ACTR1A: variants seen among roughly 807,000 people sequenced by gnomAD.
ACTR1A encodes alpha-centractin.
Under a neutral mutation model 50.7 loss-of-function variants are expected in ACTR1A, and 10 were observed. That is an observed-to-expected ratio of 0.20 (90% confidence interval 0.12 to 0.33). The LOEUF is 0.33. ACTR1A is among the 10% of genes least tolerant of loss of function. The pLI, the probability that ACTR1A is intolerant of heterozygous loss-of-function variation, is 1.00. For missense variants in ACTR1A, 253 were observed against 491.7 expected (o/e 0.51, Z 4.59); for synonymous variants, 177 against 184.2 (o/e 0.96, Z 0.32).
Position 102,500,272 on chromosome 10 carries a change from A to G in ACTR1A, c.48+2328T>C, listed in dbSNP as rs192497089. Among the ~76,000 whole-genome samples, 847 of 152,242 alleles carry G rather than the reference A, an allele frequency of 5.6e-3. 9 individuals carry two copies. Among genetic ancestry groups the G allele is most frequent in the Admixed American group, 7.6e-3 (116 of 15,286 alleles). On this transcript the variant is annotated intron_variant, in intron 1 of 10. Transcript: ENST00000369905. ...AATATGGTGAAACCCCATCTCTACT[A>G]AAAATACAAAAATTAGGCCGGGCGC... is the stretch of plus-strand genomic sequence containing the variant.
rs1253960101 is a variant in ACTR1A at position 102,481,152 on chromosome 10, T to C, written c.1008A>G (p.Arg336=). Residue 336 remains arginine (R), a synonymous_variant, in exon 10 of 11, where the codon AGA becomes AGG. Transcript: ENST00000369905. ...CTCACCCAATCCACGTGGAATACAG[T>C]CTCTCCTGAGGTGCAGATATCTGCA... ...VKIRISAPQE[R]LYSTWIGGSI... 5 of 1,606,954 alleles carry C rather than the reference T, an allele frequency of 3.1e-6. No individual in the cohort carries two copies. Among genetic ancestry groups the C allele is most frequent in the Non-Finnish European group, 4.3e-6 (5 of 1,176,276 alleles).
At chr10:102,501,434 T>A (rs2062251009) in intron 1 of ACTR1A, among the ~76,000 whole-genome samples, 1 of 152,234 alleles carries the variant, frequency 6.6e-6, no homozygotes, top group East Asian at 1.9e-4. Context: ...CAGAGGGAAC[T>A]GGTAGTTTTG....
chr10:102,500,204 C>A (rs2135591134), intron 1 of ACTR1A, among the ~76,000 whole-genome samples: 1 of 151,894 alleles, frequency 6.6e-6, no homozygotes, highest in South Asian at 2.1e-4. Flanking sequence ...GAGGCCAAGG[C>A]GGGTGGATCA....
At chr10:102,501,124 CCTTT>C (rs2062249380) in intron 1 of ACTR1A, among the ~76,000 whole-genome samples, 1 of 151,578 alleles carries the variant, frequency 6.6e-6, no homozygotes, top group African/African-American at 2.4e-5. Context: ...CAATCCTGCC[CCTTT>C]CTAAGGGGGA....
chr10:102,497,906 A>T (rs2062230022), intron 1 of ACTR1A, among the ~76,000 whole-genome samples: 1 of 148,362 alleles, frequency 6.7e-6, no homozygotes, highest in South Asian at 2.2e-4. Flanking sequence ...CAGCCTGGGG[A>T]ACACAGGGAG....
intron 1 of ACTR1A, among the ~76,000 whole-genome samples, chr10:102,490,980 C>T (rs2062189199): frequency 6.6e-6 from 1 of 151,548 alleles, no homozygotes; most frequent in Non-Finnish European, 1.5e-5. Flanking sequence ...GTGACAGACT[C>T]TGTCTCACAG....
At chr10:102,495,296 G>A (rs1351872275) in intron 1 of ACTR1A, among the ~76,000 whole-genome samples, 1 of 151,966 alleles carries the variant, frequency 6.6e-6, no homozygotes, top group Non-Finnish European at 1.5e-5. Context: ...AAGGCCAGGC[G>A]CAGTAGCTCA....
intron 2 of ACTR1A, 27 bp from the exon 3 acceptor site, chr10:102,489,165 C>T: frequency 6.6e-7 from 1 of 1,511,414 alleles, no homozygotes; most frequent in Non-Finnish European, 8.9e-7. Flanking sequence ...GGAGGACCAT[C>T]ATTTTTCATT....
intron 4 of ACTR1A, among the ~76,000 whole-genome samples, chr10:102,487,780 C>T (rs551026723): frequency 2.6e-5 from 4 of 151,892 alleles, no homozygotes; most frequent in South Asian, 2.1e-4. Flanking sequence ...TACAGGCGCC[C>T]GCCACCACGC....
intron 9 of ACTR1A, among the ~76,000 whole-genome samples, chr10:102,481,584 C>G (rs911919841): frequency 6.6e-6 from 1 of 152,154 alleles, no homozygotes; most frequent in Non-Finnish European, 1.5e-5. Flanking sequence ...ACGCAGGGGG[C>G]CCTCTACCTA....
At chr10:102,497,852 G>A (rs1483027944) in intron 1 of ACTR1A, among the ~76,000 whole-genome samples, 1 of 151,202 alleles carries the variant, frequency 6.6e-6, no homozygotes, top group Admixed American at 6.6e-5. Flanking sequence ...CAGCACTTTG[G>A]GAAGCTGAGG....
At chr10:102,487,450 G>C (rs1200920360) in intron 4 of ACTR1A, among the ~76,000 whole-genome samples, 1 of 151,886 alleles carries the variant, frequency 6.6e-6, no homozygotes, top group South Asian at 2.1e-4. Context: ...CATGGTGGGG[G>C]GTGGGGCTGA....
chr10:102,484,012 C>T (rs984892064), intron 6 of ACTR1A, 148 bp downstream of exon 6: 12 of 670,632 alleles, frequency 1.8e-5, no homozygotes, highest in African/African-American at 7.2e-5. Context: ...GTCAGTGTGA[C>T]GTAGGGGAGA....
rs575462438 is a variant in ACTR1A, at chr10:102,483,186, G to C, written c.658-83C>G. 3.8e-6 allele frequency: 4 copies of C among 1,041,660 alleles called. No homozygotes were observed. In the African/African-American group the frequency reaches 4.7e-5, roughly 12 times the overall value. 64.5% of individuals were successfully genotyped at this position (1,041,660 alleles called of 1,614,324 possible). ...AGGCCCAGGGGAGGAATGTGCTGCT[G>C]CACAAACCTGTCTAAACGTTGTGAT... On this transcript the variant is annotated intron_variant, in intron 6 of 10. Transcript: ENST00000369905.
chr10:102,501,288 T>C (rs900378270), intron 1 of ACTR1A, among the ~76,000 whole-genome samples: 2 of 152,238 alleles, frequency 1.3e-5, no homozygotes, highest in African/African-American at 4.8e-5. Context: ...AATCTGTTAT[T>C]TAACATCCCT....
Position 102,488,418 on chromosome 10 carries a change from T to G in ACTR1A, c.190-143A>C. The G allele has an allele frequency of 8.3e-7, 1 of 1,205,088 alleles. No homozygotes were observed. The highest frequency in any genetic ancestry group is 1.2e-6 in the Non-Finnish European group (1 of 857,208). The allele number at this position is 1,205,088 out of a possible 1,614,324, so 74.6% of individuals were successfully genotyped here. ...CCACCCTGCTGTCCTTGCCCAGGGC[T>G]AAGGGTGGGCACTCATTCTCCAAGG... On this transcript the variant is annotated intron_variant, in intron 3 of 10. Coordinates refer to ENST00000369905, the MANE Select transcript of ACTR1A (RefSeq NM_005736.4). The surrounding 1 kb of genome is among the most constrained non-coding windows in gnomAD (Gnocchi z 4.4).
At chr10:102,485,465 C>T (rs2062163131) in intron 5 of ACTR1A, 144 bp downstream of exon 5, 5 of 1,137,678 alleles carry the variant, frequency 4.4e-6, no homozygotes, top group African/African-American at 1.6e-5. Flanking sequence ...TCAGCAAAAG[C>T]CTCTCTCTCT....
intron 9 of ACTR1A, among the ~76,000 whole-genome samples, chr10:102,481,497 CA>C (rs1462404614): frequency 6.6e-6 from 1 of 152,196 alleles, no homozygotes; most frequent in Non-Finnish European, 1.5e-5. Context: ...GACTGTGTGA[CA>C]GGGGAGCCAC....
chr10:102,481,575 C>T (rs1361028743), intron 9 of ACTR1A, among the ~76,000 whole-genome samples: 1 of 152,156 alleles, frequency 6.6e-6, no homozygotes, highest in Non-Finnish European at 1.5e-5. Flanking sequence ...TGAAAGATCA[C>T]GCAGGGGGCC....
Sources: allele counts gnomAD v4.1 joint callset (sites outside exome capture counted in the v4.1 genomes callset), GRCh38; gene constraint gnomAD v4.1.1; non-coding constraint Gnocchi (gnomAD v3.1); transcripts MANE v1.5; gene names NCBI Gene and HGNC (gene_info 2026-07-23, HGNC 2026-07-21).